Variants in SH3BP2 observed in about 807,000 individuals in gnomAD.
SH3BP2 encodes the protein SH3 domain binding protein 2, also known as SH3 domain-binding protein 2.
SH3BP2 carries 38 observed loss-of-function variants against 56.2 expected under a neutral mutation model. That is an observed-to-expected ratio of 0.68 (90% confidence interval 0.52 to 0.89). The LOEUF is 0.89. SH3BP2 is among the 40% of genes least tolerant of loss of function. The probability of loss-of-function intolerance (pLI) is 0.00; values close to 1 mark genes in which losing one functional copy is unlikely to be tolerated. For missense variants in SH3BP2, 748 were observed against 762.6 expected (o/e 0.98, Z 0.23); for synonymous variants, 346 against 316.7 (o/e 1.09, Z -0.98).
At chr4:2,827,411 T>C (rs1724729784) in intron 6 of SH3BP2, 93 bp downstream of exon 6, 2 of 1,322,788 alleles carry the variant, frequency 1.5e-6, no homozygotes, top group East Asian at 4.7e-5. Flanking sequence ...TGTTCGGCTG[T>C]GCTCCTTGCT....
At position 2,830,148 on chromosome 4, in the gene SH3BP2, G is replaced by A. The variant is rs1463886333; in HGVS notation, c.1241+1G>A. 1.9e-6 allele frequency: 3 copies of A among 1,598,616 alleles called. No homozygotes were observed. Among genetic ancestry groups the A allele is most frequent in the Non-Finnish European group, 2.5e-6 (3 of 1,179,098 alleles). On this transcript the variant is annotated splice_donor_variant, in intron 8 of 12. Coordinates refer to ENST00000503393, the MANE Select transcript of SH3BP2 (RefSeq NM_001122681.2). LOFTEE classifies it high-confidence loss of function. ...AGAAGCCGCAGCTCCCGCACCTCCA[G>A]TGAGTTTGTGTGGCGGCTGCAAGCC...
intron 2 of SH3BP2, 124 bp from the exon 3 acceptor site, chr4:2,822,811 C>G (rs868561744): frequency 1.3e-6 from 1 of 756,216 alleles, no homozygotes; most frequent in African/African-American, 1.7e-5. Flanking sequence ...GCTCCCTGCT[C>G]TTCCATTTGG....
In SH3BP2 at chr4:2,830,205, C is replaced by A. The variant is rs1560111704; in HGVS notation, c.1241+58C>A. The A allele has an allele frequency of 2.7e-6, 4 of 1,486,412 alleles. No homozygotes were observed. The South Asian group carries it at 4.9e-5, about 18-fold the overall frequency. The allele number at this position is 1,486,412 out of a possible 1,614,324, so 92.1% of individuals were successfully genotyped here. ...CCAGCTACAGGGACCCTGGCCTGGC[C>A]TCTGACGGGCACTCTGCCCACCTCG... is the stretch of plus-strand genomic sequence containing the variant. On this transcript the variant is annotated intron_variant, in intron 8 of 12. Transcript: ENST00000503393.
At position 2,829,278 on chromosome 4, in the gene SH3BP2, G is replaced by A. The variant is rs562655236; in HGVS notation, c.587-215G>A. Among the ~76,000 whole-genome samples, 11 of 152,260 alleles carry A rather than the reference G, an allele frequency of 7.2e-5. No individual in the cohort carries two copies. Among genetic ancestry groups the A allele is most frequent in the African/African-American group, 2.2e-4 (9 of 41,540 alleles). On this transcript the variant is annotated intron_variant, in intron 7 of 12. Coordinates refer to ENST00000503393, the MANE Select transcript of SH3BP2 (RefSeq NM_001122681.2). This position sits in a 1 kb window ranked among gnomAD's most constrained non-coding sequence, Gnocchi z 4.9. ...CAGGAAGCGTCCACAGGCTGCCATA[G>A]GGAGGATGAATGGGGAAGGCTGGGG...
At chr4:2,813,439 G>C (rs2108715377) in intron 1 of SH3BP2, among the ~76,000 whole-genome samples, 1 of 152,364 alleles carries the variant, frequency 6.6e-6, no homozygotes, top group East Asian at 1.9e-4. Context: ...GGAGTGCCCA[G>C]TGCGCTCGGC....
intron 10 of SH3BP2, 54 bp from the exon 11 acceptor site, chr4:2,832,277 G>C (rs1035475162): frequency 6.9e-7 from 1 of 1,442,320 alleles, no homozygotes; most frequent in South Asian, 1.1e-5. Context: ...GGGAAGGTCC[G>C]TGTGAAAGCT....
At chr4:2,799,890 G>T (rs1056197914) in intron 1 of SH3BP2, among the ~76,000 whole-genome samples, 3 of 152,194 alleles carry the variant, frequency 2.0e-5, no homozygotes, top group African/African-American at 7.2e-5. Flanking sequence ...AAGGGAGAGG[G>T]GCTAGAGAGG....
intron 1 of SH3BP2, among the ~76,000 whole-genome samples, chr4:2,806,846 A>G (rs1300433094): frequency 6.6e-6 from 1 of 152,242 alleles, no homozygotes; most frequent in Admixed American, 6.5e-5. Context: ...GCATCCGGAG[A>G]TGTGAGAACA....
At chr4:2,818,806 G>A (rs2108723457) in intron 1 of SH3BP2, 1 of 986,898 alleles carries the variant, frequency 1.0e-6, no homozygotes, top group East Asian at 1.1e-4. Context: ...GAAGGAGCTG[G>A]TGGGGTCCAG....
chr4:2,819,657 C>A lies in SH3BP2; in HGVS notation c.-4-957C>A, dbSNP rs138796726. On this transcript the variant is annotated intron_variant, in intron 1 of 12. Transcript: ENST00000503393. Reference sequence around the variant, plus strand: ...CCAAACAGTGCAGGGTCGGGGGGTACTGTTCACTGGGACAAGAGATGAGGA... The same window carrying A: ...CCAAACAGTGCAGGGTCGGGGGGTAATGTTCACTGGGACAAGAGATGAGGA... Among the ~76,000 whole-genome samples, 78 of 152,198 alleles carry A rather than the reference C, an allele frequency of 5.1e-4. No homozygotes were observed. In the East Asian group the frequency reaches 0.01, roughly 20 times the overall value.
At chr4:2,827,760 GA>G in intron 7 of SH3BP2, 86 bp downstream of exon 7, 1 of 1,169,616 alleles carries the variant, frequency 8.5e-7, no homozygotes, top group East Asian at 2.6e-5. Context: ...CGAGGCTGGG[GA>G]TGCTGGCCCA....
chr4:2,797,098 G>T (rs75228510), intron 1 of SH3BP2, among the ~76,000 whole-genome samples: 8,159 of 152,276 alleles, frequency 0.054, 293 homozygotes, highest in South Asian at 0.11. Flanking sequence ...CGATCCAGGG[G>T]TGTTGTAATC....
intron 12 of SH3BP2, 43 bp from the exon 13 acceptor site, chr4:2,833,654 G>A (rs1484351949): frequency 3.1e-6 from 5 of 1,593,056 alleles, no homozygotes; most frequent in Non-Finnish European, 4.3e-6. Context: ...GAGCCGCAGA[G>A]TGGCCTGGCC....
intron 1 of SH3BP2, among the ~76,000 whole-genome samples, chr4:2,805,670 G>A (rs1036771227): frequency 6.6e-5 from 10 of 152,332 alleles, no homozygotes; most frequent in South Asian, 2.1e-4. Context: ...ATGCCACAGC[G>A]TCGGGGGGTG....
At chr4:2,830,606 G>A (rs569623414) in intron 8 of SH3BP2, among the ~76,000 whole-genome samples, 17 of 152,314 alleles carry the variant, frequency 1.1e-4, no homozygotes, top group African/African-American at 3.6e-4. Context: ...CAAGTGATCC[G>A]CCTGCCTCGG....
At position 2,829,969 on chromosome 4, in the gene SH3BP2, A is replaced by G; in HGVS notation, c.1063A>G (p.Asn355Asp). Residue 355 changes from asparagine (N) to aspartate (D), a missense_variant, in exon 8 of 13, where the codon AAC (asparagine) becomes GAC (aspartate). By Grantham distance (23) the Asn-to-Asp change is conservative. Coordinates refer to ENST00000503393, the MANE Select transcript of SH3BP2 (RefSeq NM_001122681.2). This position sits in a 1 kb window ranked among gnomAD's most constrained non-coding sequence, Gnocchi z 4.9. ...PTSEPPPVPA[N>D]KPKFLKIAEE... ...ATCTGAGCCCCCACCTGTGCCAGCC[A>G]ACAAGCCCAAGTTCCTGAAGATAGC... The G allele has an allele frequency of 6.2e-7, 1 of 1,613,288 alleles. No homozygotes were observed. Among genetic ancestry groups the G allele is most frequent in the Non-Finnish European group, 8.5e-7 (1 of 1,179,950 alleles).
intron 1 of SH3BP2, chr4:2,812,508 G>T: frequency 6.5e-7 from 1 of 1,543,700 alleles, no homozygotes; most frequent in Non-Finnish European, 8.8e-7. Flanking sequence ...ACTGGGGCTC[G>T]GGAGGCGGCA....
Position 2,827,787 on chromosome 4 carries a change from G to A in SH3BP2, c.586+113G>A, listed in dbSNP as rs1724756970. On this transcript the variant is annotated intron_variant, in intron 7 of 12. Transcript: ENST00000503393. ...TGCTGGCCCAGGTACCGCTCTGGGT[G>A]GCTTCCGCTTCCCTGCTGTGTCCCA... is the stretch of plus-strand genomic sequence containing the variant. The A allele has an allele frequency of 4.7e-5, 41 of 864,170 alleles. No homozygotes were observed. In the South Asian group the frequency reaches 5.2e-4, roughly 11 times the overall value. 53.5% of individuals were successfully genotyped at this position (864,170 alleles called of 1,614,324 possible). A position where few individuals can be genotyped will look rare whatever the true frequency, so the allele number is the denominator to read the frequency against.
chr4:2,830,128 C>T lies in SH3BP2; in HGVS notation c.1222C>T (p.Pro408Ser). ...RPAVLPRPEK[P>S]QLPHLQRSPP... ...CGCAGTCCTGCCCAGGCCAGAGAAG[C>T]CGCAGCTCCCGCACCTCCAGTGAGT... The change falls in exon 8 of 13, where the codon CCG (proline) becomes TCG (serine). Residue 408 changes from proline (P) to serine (S), a missense_variant. Physicochemically the swap from Pro to Ser is moderately conservative, Grantham distance 74. Around this residue, in one of 3 missense-constraint regions of SH3BP2, gnomAD observed 635 missense variants for 615.0 expected, o/e 1.03. Transcript: ENST00000503393. The T allele has an allele frequency of 6.2e-7, 1 of 1,601,440 alleles. No homozygotes were observed. The highest frequency in any genetic ancestry group is 8.5e-7 in the Non-Finnish European group (1 of 1,179,258).
Sources: allele counts gnomAD v4.1 joint callset (sites outside exome capture counted in the v4.1 genomes callset), GRCh38; gene constraint gnomAD v4.1.1; regional missense constraint gnomAD v4.1.1; non-coding constraint Gnocchi (gnomAD v3.1); transcripts MANE v1.5; gene names NCBI Gene and HGNC (gene_info 2026-07-23, HGNC 2026-07-21).